The following BRSK2 variants were observed in gnomAD, a reference collection of about 807,000 sequenced individuals.
BRSK2 encodes the protein BR serine/threonine kinase 2, also known as serine/threonine-protein kinase BRSK2.
Under a neutral mutation model 83.3 loss-of-function variants are expected in BRSK2, and 19 were observed. That is an observed-to-expected ratio of 0.23 (90% CI 0.16 to 0.33). The LOEUF (loss-of-function observed/expected upper bound fraction) is 0.33. BRSK2 is among the 10% of genes least tolerant of loss of function. BRSK2 has a pLI of 1.00. For synonymous variants in BRSK2, 519 were observed against 435.4 expected, an observed-to-expected ratio of 1.19 and a Z score of -2.39; for missense variants, 798 against 1,042.3, an observed-to-expected ratio of 0.77 and a Z score of 3.23.
chr11:1,436,818 G>A (rs185552018), intron 2 of BRSK2, among the ~76,000 whole-genome samples: 4,015 of 152,216 alleles, frequency 0.026, 62 homozygotes, highest in Non-Finnish European at 0.033. Flanking sequence ...TCGCTCCTTG[G>A]CATGCAGGGC....
intron 1 of BRSK2, among the ~76,000 whole-genome samples, chr11:1,398,871 T>G (rs1163603198): frequency 3.3e-5 from 5 of 152,150 alleles, no homozygotes; most frequent in Non-Finnish European, 7.4e-5. Flanking sequence ...TGGGGCCCCC[T>G]GGAGCCTGGA....
intron 1 of BRSK2, among the ~76,000 whole-genome samples, chr11:1,415,743 A>G (rs1031864607): frequency 1.3e-5 from 2 of 152,168 alleles, no homozygotes; most frequent in Non-Finnish European, 2.9e-5. Flanking sequence ...GGCTTGGAGG[A>G]ACCCATTACC....
chr11:1,451,163 G>A (rs965703898), intron 14 of BRSK2, among the ~76,000 whole-genome samples: 16 of 152,218 alleles, frequency 1.1e-4, no homozygotes, highest in South Asian at 2.1e-4. Flanking sequence ...CACCAGAGGC[G>A]GGGACAGCTC....
At position 1,445,752 on chromosome 11, in the gene BRSK2, C is replaced by T. The variant is rs758593980; in HGVS notation, c.1076-5C>T. On this transcript the variant is annotated splice_region_variant and splice_polypyrimidine_tract_variant and intron_variant, in intron 11 of 19. Coordinates refer to ENST00000528841, the MANE Select transcript of BRSK2 (RefSeq NM_001256627.2). Reference sequence around the variant, plus strand: ...CTGTCTGGCCTGACCTTCGTCTGTACTCAGACCCTCCCCGGAAGCGTGTGG... The same window carrying T: ...CTGTCTGGCCTGACCTTCGTCTGTATTCAGACCCTCCCCGGAAGCGTGTGG... 1 of 1,611,706 alleles carries T rather than the reference C, an allele frequency of 6.2e-7. No homozygotes were observed. The highest frequency in any genetic ancestry group is 2.2e-5 in the East Asian group (1 of 44,816).
At chr11:1,422,711 A>AG (rs1044488393) in intron 1 of BRSK2, among the ~76,000 whole-genome samples, 2 of 152,146 alleles carry the variant, frequency 1.3e-5, no homozygotes, top group African/African-American at 4.8e-5. Context: ...ACAGGCAGGC[A>AG]GGCCTGACCG....
chr11:1,450,863 GC>G (rs1437753581), intron 14 of BRSK2, 69 bp downstream of exon 14: 7 of 1,410,508 alleles, frequency 5.0e-6, no homozygotes, highest in Non-Finnish European at 5.7e-6. Flanking sequence ...GGAGGGCCCC[GC>G]CCGGCAGTGC....
In BRSK2 at chr11:1,460,843, C is replaced by T; in HGVS notation, c.*120C>T. ...CGTCCGTCCAGACTGTTCTCAGAGC[C>T]TGGGAGGAAAGGAAAGGGGCGTTGG... On this transcript the variant is annotated 3_prime_UTR_variant, in exon 20 of 20. Coordinates refer to ENST00000528841, the MANE Select transcript of BRSK2 (RefSeq NM_001256627.2). 3 of 1,546,526 alleles carry T rather than the reference C, an allele frequency of 1.9e-6. No homozygotes were observed. The highest frequency in any genetic ancestry group is 1.4e-5 in the African/African-American group (1 of 73,064).
Position 1,407,703 on chromosome 11 carries a change from C to T in BRSK2, c.91+17328C>T, listed in dbSNP as rs371112409. 1.3e-4 allele frequency among the ~76,000 whole-genome samples: 20 copies of T among 152,232 alleles called. 1 individual carries two copies. The highest frequency in any genetic ancestry group is 5.2e-4 in the Admixed American group (8 of 15,290). On this transcript the variant is annotated intron_variant, in intron 1 of 19. Coordinates refer to ENST00000528841, the MANE Select transcript of BRSK2 (RefSeq NM_001256627.2). Reference sequence around the variant, plus strand: ...ACAGGATTCAATCAAAATGTTTCATCGGGCTAATCTTTCAATATTGAATTG... The same window carrying T: ...ACAGGATTCAATCAAAATGTTTCATTGGGCTAATCTTTCAATATTGAATTG...
rs1467881034 is a variant in BRSK2 at position 1,445,652 on chromosome 11, C to G, written c.1059C>G (p.Pro353=). ...CGAGCCAGGAGGATGAGGACCTGCC[C>G]CCCCGGAACGAGATAGGTATGGGTC... ...RYPSQEDEDL[P]PRNEIDPPRK... Residue 353 remains proline (P), a synonymous_variant, in exon 11 of 20, where the codon CCC becomes CCG. Coordinates refer to ENST00000528841, the MANE Select transcript of BRSK2 (RefSeq NM_001256627.2). 1 of 1,595,720 alleles carries G rather than the reference C, an allele frequency of 6.3e-7. No individual in the cohort carries two copies. Among genetic ancestry groups the G allele is most frequent in the Non-Finnish European group, 8.5e-7 (1 of 1,171,616 alleles).
chr11:1,453,640 G>T (rs920501339), intron 15 of BRSK2, among the ~76,000 whole-genome samples: 1 of 152,254 alleles, frequency 6.6e-6, no homozygotes, highest in African/African-American at 2.4e-5. Flanking sequence ...CACAGTGGCC[G>T]AGGAGGCAGC....
chr11:1,460,763 C>A lies in BRSK2; in HGVS notation c.*40C>A. 2 of 1,290,860 alleles carry A rather than the reference C, an allele frequency of 1.5e-6. No homozygotes were observed. The highest frequency in any genetic ancestry group is 1.5e-5 in the South Asian group (1 of 65,636). The allele number at this position is 1,290,860 out of a possible 1,614,324, so 80.0% of individuals were successfully genotyped here. A position where few individuals can be genotyped will look rare whatever the true frequency, so the allele number is the denominator to read the frequency against. On this transcript the variant is annotated 3_prime_UTR_variant, in exon 20 of 20. Coordinates refer to ENST00000528841, the MANE Select transcript of BRSK2 (RefSeq NM_001256627.2). ...CCCCCCAGCACAGCACTGACAGCGG[C>A]TGCCTCGCCGCCCGCCGCCCGCCCT...
chr11:1,390,119 G>T lies in BRSK2; in HGVS notation c.-166G>T, dbSNP rs574150513. 6.2e-6 allele frequency: 1 copy of T among 161,254 alleles called. No homozygotes were observed. Among genetic ancestry groups the T allele is most frequent in the Non-Finnish European group, 1.3e-5 (1 of 79,030 alleles). 10.0% of individuals were successfully genotyped at this position (161,254 alleles called of 1,614,324 possible). A position where few individuals can be genotyped will look rare whatever the true frequency, so the allele number is the denominator to read the frequency against. ...GGACTGCCGCGTCGGAGTGGACGCG[G>T]GGGGCGGCGGCGCGGGCGGACGCGG... On this transcript the variant is annotated 5_prime_UTR_variant, in exon 1 of 20. Transcript: ENST00000528841. The surrounding 1 kb of genome is among the most constrained non-coding windows in gnomAD (Gnocchi z 6.8).
chr11:1,444,206 C>G (rs1468609285), intron 8 of BRSK2, among the ~76,000 whole-genome samples: 1 of 152,134 alleles, frequency 6.6e-6, no homozygotes, highest in East Asian at 1.9e-4. Flanking sequence ...AAGCTCCAGG[C>G]AGCGTGAATA....
At chr11:1,410,411 C>G (rs1372090310) in intron 1 of BRSK2, 2 of 983,340 alleles carry the variant, frequency 2.0e-6, no homozygotes, top group East Asian at 1.1e-4. Flanking sequence ...TGACGTCGGC[C>G]TCGCAGAGCG....
chr11:1,438,220 A>G lies in BRSK2; in HGVS notation c.187-86A>G. On this transcript the variant is annotated intron_variant, in intron 2 of 19. Coordinates refer to ENST00000528841, the MANE Select transcript of BRSK2 (RefSeq NM_001256627.2). This position sits in a 1 kb window ranked among gnomAD's most constrained non-coding sequence, Gnocchi z 6.4. ...GGCACCAAAGGCCCCTGCGACCCCC[A>G]CAGCTGGCACCAAAGGCAGTGTCTG... 5 of 1,353,604 alleles carry G rather than the reference A, an allele frequency of 3.7e-6. No homozygotes were observed. Among genetic ancestry groups the G allele is most frequent in the Non-Finnish European group, 5.2e-6 (5 of 959,202 alleles). 83.8% of individuals were successfully genotyped at this position (1,353,604 alleles called of 1,614,324 possible). A position where few individuals can be genotyped will look rare whatever the true frequency, so the allele number is the denominator to read the frequency against.
chr11:1,453,348 CAG>C (rs376582486), intron 15 of BRSK2, among the ~76,000 whole-genome samples: 328 of 152,356 alleles, frequency 2.2e-3, no homozygotes, highest in South Asian at 5.2e-3. Context: ...GGCCGCAAAG[CAG>C]AGAGTCACGT....
intron 1 of BRSK2, among the ~76,000 whole-genome samples, chr11:1,417,915 C>T (rs1415812308): frequency 6.7e-6 from 1 of 149,450 alleles, no homozygotes; most frequent in African/African-American, 2.5e-5. Flanking sequence ...CACACTGTGT[C>T]CTGCTTCTGT....
At chr11:1,411,096 G>A (rs1847440874) in intron 1 of BRSK2, 1 of 1,176,330 alleles carries the variant, frequency 8.5e-7, no homozygotes, top group African/African-American at 1.6e-5. Flanking sequence ...TTTGGAGGAG[G>A]CAGCCCAGGT....
intron 12 of BRSK2, among the ~76,000 whole-genome samples, chr11:1,446,113 A>C (rs1187723195): frequency 2.0e-5 from 2 of 97,920 alleles, no homozygotes; most frequent in Admixed American, 1.1e-4. Context: ...CTGGGCTGGG[A>C]GCTGAGCTGG....
Sources: allele counts gnomAD v4.1 joint callset (sites outside exome capture counted in the v4.1 genomes callset), GRCh38; gene constraint gnomAD v4.1.1; non-coding constraint Gnocchi (gnomAD v3.1); transcripts MANE v1.5; gene names NCBI Gene and HGNC (gene_info 2026-07-23, HGNC 2026-07-21).